Variants in LRRC25 observed in about 807,000 individuals in gnomAD.
LRRC25 encodes leucine rich repeat containing 25, also known as leucine-rich repeat-containing protein 25.
Under a neutral mutation model 18.8 loss-of-function variants are expected in LRRC25, and 5 were observed. That is an observed-to-expected ratio of 0.27 (90% CI 0.14 to 0.56). The LOEUF (loss-of-function observed/expected upper bound fraction) is 0.56. Among genes scored for constraint, LRRC25 ranks in the 20% least tolerant of loss-of-function variants. The probability of loss-of-function intolerance (pLI) is 0.93; values close to 1 mark genes in which losing one functional copy is unlikely to be tolerated. For missense variants in LRRC25, 341 were observed against 389.8 expected, an observed-to-expected ratio of 0.87 and a Z score of 1.05; for synonymous variants, 161 against 176.8, an observed-to-expected ratio of 0.91 and a Z score of 0.71.
At position 18,392,004 on chromosome 19, in the gene LRRC25, C is replaced by T. The variant is rs1242983257; in HGVS notation, c.901G>A (p.Val301Met). 5 of 1,614,058 alleles carry T rather than the reference C, an allele frequency of 3.1e-6. No homozygotes were observed. Among genetic ancestry groups the T allele is most frequent in the Non-Finnish European group, 4.2e-6 (5 of 1,179,964 alleles). Residue 301 changes from valine to methionine, a missense_variant, in exon 2 of 2, where the codon GTG becomes ATG. Coordinates refer to ENST00000339007, the MANE Select transcript of LRRC25 (RefSeq NM_145256.3). ...TCTTAGGCTCAGTGCCCGGGGATCA[C>T]GTACTCCTCTTCATCCATTGGGGCC... is the stretch of plus-strand genomic sequence containing the variant. ...GQAPMDEEEY[V>M]IPGH
intron 1 of LRRC25, among the ~76,000 whole-genome samples, chr19:18,393,685 C>T (rs959262740): frequency 5.3e-5 from 8 of 152,004 alleles, no homozygotes; most frequent in Non-Finnish European, 8.8e-5. Flanking sequence ...ACGAATTGCC[C>T]ACCAACCCCT....
At chr19:18,396,063 T>A in intron 1 of LRRC25, 122 bp downstream of exon 1, 1 of 1,237,836 alleles carries the variant, frequency 8.1e-7, no homozygotes, top group Non-Finnish European at 1.1e-6. Flanking sequence ...CTCAGAGAAG[T>A]AAAGCTACTC....
At chr19:18,393,488 C>A (rs1971926671) in intron 1 of LRRC25, among the ~76,000 whole-genome samples, 1 of 152,098 alleles carries the variant, frequency 6.6e-6, no homozygotes, top group Non-Finnish European at 1.5e-5. Flanking sequence ...ATGGTGGGCG[C>A]CTGTAATCCC....
chr19:18,396,058 A>C, intron 1 of LRRC25, 127 bp downstream of exon 1: 1 of 1,180,114 alleles, frequency 8.5e-7, no homozygotes, highest in Non-Finnish European at 1.2e-6. Flanking sequence ...TGAGGCTCAG[A>C]GAAGTAAAGC....
intron 1 of LRRC25, among the ~76,000 whole-genome samples, chr19:18,392,616 C>A (rs1034532674): frequency 7.2e-5 from 11 of 152,122 alleles, no homozygotes; most frequent in Admixed American, 7.2e-4. Context: ...GAGGAGGCTG[C>A]GGGAGGGCAG....
chr19:18,396,543 C>A lies in LRRC25; in HGVS notation c.421G>T (p.Asp141Tyr). 3 of 1,613,752 alleles carry A rather than the reference C, an allele frequency of 1.9e-6. No individual in the cohort carries two copies. The highest frequency in any genetic ancestry group is 2.5e-6 in the Non-Finnish European group (3 of 1,180,026). Residue 141 changes from aspartate (D) to tyrosine (Y), a missense_variant, in exon 1 of 2, where the codon GAC becomes TAC. Transcript: ENST00000339007. Reference sequence around the variant, plus strand: ...AGGTTGTGCTGGGAGCTGGTTGTGTCCCAGCAGAGCAGAGGCTTCTGGCCA... The same window carrying A: ...AGGTTGTGCTGGGAGCTGGTTGTGTACCAGCAGAGCAGAGGCTTCTGGCCA... ...CSGQKPLLCW[D>Y]TTSSQHNLSA...
At chr19:18,392,191 C>G in intron 1 of LRRC25, 66 bp from the exon 2 acceptor site, 1 of 1,561,362 alleles carries the variant, frequency 6.4e-7, no homozygotes, top group Non-Finnish European at 8.8e-7. Flanking sequence ...GGCACATGAG[C>G]TTTGAGAAAG....
At chr19:18,395,910 T>C (rs1237954731) in intron 1 of LRRC25, among the ~76,000 whole-genome samples, 1 of 152,072 alleles carries the variant, frequency 6.6e-6, no homozygotes, top group Non-Finnish European at 1.5e-5. Context: ...TAGTACAGAC[T>C]GGGTTTCACC....
chr19:18,392,447 G>A (rs931776512), intron 1 of LRRC25, among the ~76,000 whole-genome samples: 3 of 151,810 alleles, frequency 2.0e-5, no homozygotes, highest in East Asian at 1.9e-4. Context: ...AGCCGAGATC[G>A]TGCCATTGCA....
intron 1 of LRRC25, 76 bp downstream of exon 1, chr19:18,396,109 G>C (rs1012905857): frequency 6.6e-7 from 1 of 1,505,640 alleles, no homozygotes; most frequent in Non-Finnish European, 9.0e-7. Flanking sequence ...GGCAGAGCTG[G>C]GATTTGAACC....
At chr19:18,393,127 G>T (rs749510217) in intron 1 of LRRC25, among the ~76,000 whole-genome samples, 1 of 152,208 alleles carries the variant, frequency 6.6e-6, no homozygotes, top group East Asian at 1.9e-4. Context: ...TGCTCCTTCC[G>T]ATGGGAAATG....
At chr19:18,394,554 C>T (rs1428820096) in intron 1 of LRRC25, among the ~76,000 whole-genome samples, 1 of 152,174 alleles carries the variant, frequency 6.6e-6, no homozygotes, top group African/African-American at 2.4e-5. Flanking sequence ...ATCCTCCTGC[C>T]TTGGCCTCCC....
Position 18,392,119 on chromosome 19 carries a change from G to C in LRRC25, c.786C>G (p.His262Gln). 1 of 1,613,934 alleles carries C rather than the reference G, an allele frequency of 6.2e-7. No individual in the cohort carries two copies. Among genetic ancestry groups the C allele is most frequent in the South Asian group, 1.1e-5 (1 of 91,068 alleles). Reference sequence around the variant, plus strand: ...TGTAAAAGTCATTGTCCTCTGAAGGGTGAGCCCTGGGGGGACAGACAGACC... The same window carrying C: ...TGTAAAAGTCATTGTCCTCTGAAGGCTGAGCCCTGGGGGGACAGACAGACC... ...AEHQWDEQGAHPSEDNDFYIN... is the reference protein window; with the variant it reads ...AEHQWDEQGAQPSEDNDFYIN... The change falls in exon 2 of 2, where the codon CAC (histidine) becomes CAG (glutamine). Residue 262 changes from histidine (H) to glutamine (Q), a missense_variant. Transcript: ENST00000339007.
Position 18,396,937 on chromosome 19 carries a change from C to T in LRRC25, c.27G>A (p.Leu9=). 1 of 1,610,384 alleles carries T rather than the reference C, an allele frequency of 6.2e-7. No individual in the cohort carries two copies. Among genetic ancestry groups the T allele is most frequent in the Non-Finnish European group, 8.5e-7 (1 of 1,178,322 alleles). Residue 9 remains leucine (L), a synonymous_variant, in exon 1 of 2, where the codon CTG becomes CTA. Transcript: ENST00000339007. Reference sequence around the variant, plus strand: ...ACTCCCGCAGCAGCAGCGGCAACAGCAGCGTCCATGCCAGGGTGCCCCCCA... The same window carrying T: ...ACTCCCGCAGCAGCAGCGGCAACAGTAGCGTCCATGCCAGGGTGCCCCCCA... MGGTLAWT[L]LLPLLLRESD... is the part of the protein sequence containing the mutation.
In LRRC25 at chr19:18,396,947, G is replaced by T; in HGVS notation, c.17C>A (p.Ala6Glu). 1 of 1,607,526 alleles carries T rather than the reference G, an allele frequency of 6.2e-7. No homozygotes were observed. The highest frequency in any genetic ancestry group is 8.5e-7 in the Non-Finnish European group (1 of 1,176,726). Reference sequence around the variant, plus strand: ...CAGCAGCGGCAACAGCAGCGTCCATGCCAGGGTGCCCCCCATTCAAGCAAC... The same window carrying T: ...CAGCAGCGGCAACAGCAGCGTCCATTCCAGGGTGCCCCCCATTCAAGCAAC... MGGTLAWTLLLPLLLR... is the reference protein window; with the variant it reads MGGTLEWTLLLPLLLR... The change falls in exon 1 of 2, where the codon GCA (alanine) becomes GAA (glutamate). Residue 6 changes from alanine to glutamate, a missense_variant. Transcript: ENST00000339007.
rs762573354 is a variant in LRRC25 at position 18,392,137 on chromosome 19, G to C, written c.780-12C>G. 3 of 1,613,032 alleles carry C rather than the reference G, an allele frequency of 1.9e-6. No homozygotes were observed. In the South Asian group the frequency reaches 3.3e-5, roughly 18 times the overall value. Reference sequence around the variant, plus strand: ...CTGAAGGGTGAGCCCTGGGGGGACAGACAGACCAGGGGTAAGTGTGGGAGG... The same window carrying C: ...CTGAAGGGTGAGCCCTGGGGGGACACACAGACCAGGGGTAAGTGTGGGAGG... On this transcript the variant is annotated splice_polypyrimidine_tract_variant and intron_variant, in intron 1 of 1. Transcript: ENST00000339007.
Position 18,391,800 on chromosome 19 carries a change from C to A in LRRC25, c.*187G>T. On this transcript the variant is annotated 3_prime_UTR_variant, in exon 2 of 2. Coordinates refer to ENST00000339007, the MANE Select transcript of LRRC25 (RefSeq NM_145256.3). ...GTCTCTCCTCTTCCCCCTCTAGGAGCTGAGGGAGCTGAGGAGCGGCATGAG... is the reference window on the plus strand; with the variant it reads ...GTCTCTCCTCTTCCCCCTCTAGGAGATGAGGGAGCTGAGGAGCGGCATGAG... The A allele has an allele frequency of 1.6e-6, 1 of 607,058 alleles. No homozygotes were observed. Among genetic ancestry groups the A allele is most frequent in the Non-Finnish European group, 2.8e-6 (1 of 353,242 alleles). 37.6% of individuals were successfully genotyped at this position (607,058 alleles called of 1,614,324 possible).
At chr19:18,396,076 C>T (rs1283374649) in intron 1 of LRRC25, 109 bp downstream of exon 1, 7 of 1,370,376 alleles carry the variant, frequency 5.1e-6, no homozygotes, top group Non-Finnish European at 7.0e-6. Context: ...AGCTACTCAC[C>T]TAAGATCCCA....
chr19:18,396,998 C>T lies in LRRC25; in HGVS notation c.-35G>A. The T allele has an allele frequency of 2.5e-6, 4 of 1,574,092 alleles. No individual in the cohort carries two copies. The highest frequency in any genetic ancestry group is 2.6e-6 in the Non-Finnish European group (3 of 1,161,080). On this transcript the variant is annotated 5_prime_UTR_variant, in exon 1 of 2. Transcript: ENST00000339007. Reference sequence around the variant, plus strand: ...CTACGTAGAGACACCGGAATCCTAGCCCTGACCTCAGCCCTGTGGTCGCCC... The same window carrying T: ...CTACGTAGAGACACCGGAATCCTAGTCCTGACCTCAGCCCTGTGGTCGCCC...
Sources: allele counts gnomAD v4.1 joint callset (sites outside exome capture counted in the v4.1 genomes callset), GRCh38; gene constraint gnomAD v4.1.1; transcripts MANE v1.5; gene names NCBI Gene and HGNC (gene_info 2026-07-23, HGNC 2026-07-21).